FRMPD4: variants seen among roughly 807,000 people sequenced by gnomAD.
The protein encoded by FRMPD4 is FERM and PDZ domain containing 4.
In FRMPD4, 22 loss-of-function variants were observed where a neutral mutation model predicts 94.1. The ratio of observed to expected loss-of-function variants is 0.23; its 90% CI spans 0.17 to 0.33. FRMPD4 has a LOEUF of 0.33. FRMPD4 is among the 10% of genes least tolerant of loss of function. The pLI is 1.00. For synonymous variants in FRMPD4, 631 were observed against 548.6 expected (o/e 1.15, Z -2.10); for missense variants, 1,111 against 1,339.9 (o/e 0.83, Z 2.67).
chrX:11,831,661 C>A (rs2053475855), intron 1 of FRMPD4, among the ~76,000 whole-genome samples: 1 of 110,845 alleles, frequency 9.0e-6, no homozygotes. Flanking sequence ...AGGGATCGGG[C>A]TTTGGGAAAA....
At chrX:11,907,501 G>A in intron 3 of FRMPD4, among the ~76,000 whole-genome samples, 1 of 112,112 alleles carries the variant, frequency 8.9e-6, no homozygotes, top group Non-Finnish European at 1.9e-5. Context: ...ATGTGAGGTT[G>A]CAAGCATGGT....
chrX:12,348,951 A>G (rs2055757879), intron 1 of FRMPD4, among the ~76,000 whole-genome samples: 1 of 112,613 alleles, frequency 8.9e-6, no homozygotes, highest in African/African-American at 3.2e-5. Context: ...CAACCTCGAT[A>G]TGGAATTGTC....
At chrX:12,216,744 A>G (rs1045327726) in intron 1 of FRMPD4, among the ~76,000 whole-genome samples, 4 of 111,918 alleles carry the variant, frequency 3.6e-5, no homozygotes, top group African/African-American at 1.3e-4. Flanking sequence ...AGGCACATTC[A>G]TCTTACTGTT....
intron 2 of FRMPD4, among the ~76,000 whole-genome samples, chrX:12,546,053 A>G (rs2058471732): frequency 8.9e-6 from 1 of 112,702 alleles, no homozygotes; most frequent in African/African-American, 3.2e-5. Context: ...TACAGTTTCA[A>G]TGTCAATGAA....
At chrX:12,280,760 CTG>C (rs1473807657) in intron 1 of FRMPD4, among the ~76,000 whole-genome samples, 2 of 111,512 alleles carry the variant, frequency 1.8e-5, no homozygotes, top group African/African-American at 3.3e-5. Flanking sequence ...ACACATCTCT[CTG>C]TTTCAGCCTA....
At chrX:12,202,823 A>G (rs1457818339) in intron 1 of FRMPD4, among the ~76,000 whole-genome samples, 1 of 112,060 alleles carries the variant, frequency 8.9e-6, no homozygotes, top group Non-Finnish European at 1.9e-5. Flanking sequence ...ATGTAACAAC[A>G]GAGGCTGAGA....
intron 1 of FRMPD4, among the ~76,000 whole-genome samples, chrX:12,348,114 A>G (rs757858003): frequency 8.9e-6 from 1 of 112,388 alleles, no homozygotes; most frequent in East Asian, 2.8e-4. Context: ...GGCTGATAAC[A>G]TAACTTATTT....
chrX:12,526,195 T>G (rs2058221693), intron 2 of FRMPD4, among the ~76,000 whole-genome samples: 1 of 112,235 alleles, frequency 8.9e-6, no homozygotes, highest in Admixed American at 9.4e-5. Context: ...GCTCCCCTGG[T>G]GGGTTTGTTC....
In FRMPD4 at chrX:12,417,727, T is replaced by C. The variant is rs182474578; in HGVS notation, c.42-80953T>C. On this transcript the variant is annotated intron_variant, in intron 1 of 16. Coordinates refer to ENST00000675598, the MANE Select transcript of FRMPD4 (RefSeq NM_001368397.1). ...TTTTATTCATTTAAAAACATTGTTC[T>C]GGCCAGGCACGGTGGCTCAAGCCTG... 1.1e-4 allele frequency among the ~76,000 whole-genome samples: 12 copies of C among 109,785 alleles called. No homozygotes were observed. In the East Asian group the frequency reaches 3.4e-3, roughly 31 times the overall value.
chrX:12,098,234 T>C (rs1045595954), intron 3 of FRMPD4, among the ~76,000 whole-genome samples: 15 of 102,667 alleles, frequency 1.5e-4, no homozygotes, highest in Non-Finnish European at 2.4e-4. Context: ...TTGCAAATTC[T>C]AGGATCATTT....
At chrX:12,138,123 A>T (rs1261250454), upstream of FRMPD4, among the ~76,000 whole-genome samples, 1 of 112,301 alleles carries the variant, frequency 8.9e-6, no homozygotes, top group Admixed American at 9.3e-5. Context: ...GCGATTCGGG[A>T]GAAGCAGTGG....
chrX:12,674,152 G>A lies in FRMPD4; in HGVS notation c.423-711G>A, dbSNP rs5978565. 5.7e-3 allele frequency among the ~76,000 whole-genome samples: 637 copies of A among 112,007 alleles called. 2 individuals carry two copies. Among genetic ancestry groups the A allele is most frequent in the African/African-American group, 0.02 (610 of 30,815 alleles). On this transcript the variant is annotated intron_variant, in intron 4 of 16. Coordinates refer to ENST00000675598, the MANE Select transcript of FRMPD4 (RefSeq NM_001368397.1). The stretch of plus-strand genomic sequence containing the variant: ...ATTTTTCCTCAAGGGTTTGAGTTAC[G>A]TGGAGGGAATTAGATAAACCATTAT...
At chrX:11,864,649 G>A (rs943470078) in intron 1 of FRMPD4, among the ~76,000 whole-genome samples, 2 of 110,867 alleles carry the variant, frequency 1.8e-5, no homozygotes, top group African/African-American at 6.6e-5. Context: ...GTGAATTGAC[G>A]TCCTGTTTAT....
At chrX:12,225,592 C>T (rs1001637000) in intron 1 of FRMPD4, among the ~76,000 whole-genome samples, 5 of 111,436 alleles carry the variant, frequency 4.5e-5, no homozygotes, top group Non-Finnish European at 5.7e-5. Flanking sequence ...CTAGCTTAAC[C>T]GAAAATGGAA....
At chrX:12,547,428 A>G (rs2058490386) in intron 2 of FRMPD4, among the ~76,000 whole-genome samples, 1 of 112,108 alleles carries the variant, frequency 8.9e-6, no homozygotes, top group Non-Finnish European at 1.9e-5. Context: ...GTTGGGGTGT[A>G]GGGAGAGAGA....
chrX:12,320,402 A>T (rs1282612284), intron 1 of FRMPD4, among the ~76,000 whole-genome samples: 1 of 111,269 alleles, frequency 9.0e-6, no homozygotes, highest in Non-Finnish European at 1.9e-5. Context: ...GGTGCAGGAG[A>T]GTAAAAATGC....
intron 4 of FRMPD4, among the ~76,000 whole-genome samples, chrX:12,618,681 G>A (rs1479030896): frequency 9.0e-6 from 1 of 110,836 alleles, no homozygotes; most frequent in African/African-American, 3.3e-5. Flanking sequence ...TGGCTGTCCC[G>A]AATCACAACC....
intron 3 of FRMPD4, among the ~76,000 whole-genome samples, chrX:11,957,050 G>A (rs949128201): frequency 2.7e-5 from 3 of 112,238 alleles, no homozygotes; most frequent in Non-Finnish European, 5.6e-5. Context: ...GTAGGTTTTA[G>A]CGAGTCATGG....
At chrX:11,846,568 G>A (rs1180635590) in intron 1 of FRMPD4, among the ~76,000 whole-genome samples, 8 of 108,596 alleles carry the variant, frequency 7.4e-5, no homozygotes, top group East Asian at 2.9e-4. Context: ...AGCCCGCATC[G>A]CCAAGTCAAT....
Sources: gnomAD v4.1 joint callset for allele counts (sites outside exome capture counted in the v4.1 genomes callset) on GRCh38, gnomAD v4.1.1 for gene constraint, MANE v1.5 for transcripts, NCBI Gene and HGNC (gene_info 2026-07-23, HGNC 2026-07-21) for gene names.